ABCA13: variants seen among roughly 807,000 people sequenced by gnomAD.
ABCA13 encodes the protein ATP-binding cassette sub-family A member 13.
A neutral mutation model predicts 478.7 loss-of-function variants in ABCA13; 476 were observed. The observed-to-expected ratio is 0.99, with a 90% CI of 0.92 to 1.07. The LOEUF (loss-of-function observed/expected upper bound fraction) is 1.07, where lower values mean the gene tolerates loss of function less well. ABCA13 is among the 50% of genes least tolerant of loss of function. The pLI is 0.00. For missense variants in ABCA13, 6,060 were observed against 5,910.6 expected (o/e 1.03, Z -0.83); for synonymous variants, 2,252 against 2,158.9 (o/e 1.04, Z -1.20).
intron 41 of ABCA13, among the ~76,000 whole-genome samples, chr7:48,419,190 A>T (rs73101574): frequency 6.6e-6 from 1 of 151,856 alleles, no homozygotes. Flanking sequence ...ACCAGGCCCT[A>T]CCTTGGACAT....
chr7:48,559,024 A>C (rs1231189034), intron 55 of ABCA13, among the ~76,000 whole-genome samples: 1 of 152,060 alleles, frequency 6.6e-6, no homozygotes, highest in Non-Finnish European at 1.5e-5. Context: ...TAACATAACC[A>C]CTACCTGCCT....
chr7:48,520,067 C>T lies in ABCA13; in HGVS notation c.13824C>T (p.Leu4608=), dbSNP rs1243379934. The change falls in exon 53 of 62, where the codon CTC becomes CTT. Residue 4608 remains leucine, a synonymous_variant. Transcript: ENST00000435803. The part of the protein sequence containing the change: ...AKNLQNIYDV[L]KWVFTIFPQF... ...ATTTACAGAATATCTATGATGTCCT[C>T]AAGTGGGTCTTTACTATTTTTCCTC... 5 of 1,612,838 alleles carry T rather than the reference C, an allele frequency of 3.1e-6. No homozygotes were observed. The highest frequency in any genetic ancestry group is 1.7e-5 in the Admixed American group (1 of 59,904).
Position 48,385,394 on chromosome 7 carries a change from C to G in ABCA13, c.11336-2428C>G, listed in dbSNP as rs546663918. On this transcript the variant is annotated intron_variant, in intron 35 of 61. Transcript: ENST00000435803. The stretch of plus-strand genomic sequence containing the variant: ...GCTCCCACTTATAAGTGAGAACATG[C>G]AGTATTTGGTTTTCTGTTCCTTTGC... Among the ~76,000 whole-genome samples, 9 of 152,222 alleles carry G rather than the reference C, an allele frequency of 5.9e-5. No homozygotes were observed. In the East Asian group the frequency reaches 1.7e-3, roughly 29 times the overall value.
chr7:48,288,132 G>A, intron 20 of ABCA13, 54 bp downstream of exon 20: 1 of 1,478,826 alleles, frequency 6.8e-7, no homozygotes, highest in Non-Finnish European at 9.4e-7. Context: ...ATTGGCCCTT[G>A]CAAGGCAGTC....
chr7:48,276,720 A>G (rs1462544555), intron 17 of ABCA13, among the ~76,000 whole-genome samples, 155 bp downstream of exon 17: 1 of 152,238 alleles, frequency 6.6e-6, no homozygotes, highest in Non-Finnish European at 1.5e-5. Context: ...TTTTATCAAA[A>G]TGTCAAGGTA....
At chr7:48,336,360 A>G (rs1806264449) in intron 28 of ABCA13, among the ~76,000 whole-genome samples, 1 of 152,198 alleles carries the variant, frequency 6.6e-6, no homozygotes, top group South Asian at 2.1e-4. Flanking sequence ...TTACATGTGC[A>G]ATAATTTTAT....
chr7:48,601,191 C>G (rs1266006824), intron 58 of ABCA13, among the ~76,000 whole-genome samples: 2 of 152,072 alleles, frequency 1.3e-5, no homozygotes, highest in South Asian at 4.2e-4. Flanking sequence ...AGAATCCCCA[C>G]TTACTAATGT....
intron 27 of ABCA13, among the ~76,000 whole-genome samples, chr7:48,319,169 G>C (rs902256399): frequency 6.6e-6 from 1 of 152,150 alleles, no homozygotes; most frequent in Admixed American, 6.5e-5. Flanking sequence ...ACAGAGGTGT[G>C]GGGAGGTGCC....
intron 15 of ABCA13, among the ~76,000 whole-genome samples, chr7:48,259,450 T>G (rs1433616031): frequency 6.6e-5 from 10 of 152,174 alleles, no homozygotes; most frequent in Non-Finnish European, 1.3e-4. Context: ...TTCCATTTGC[T>G]TGGTAGATTT....
rs1585560381 is a variant in ABCA13, at chr7:48,489,234, A to C, written c.13183-2A>C. ...GCCATTAAATTATCTTTCTTTTTTT[A>C]GGTGTGGTATAATCAGAAGGGTTTT... is the stretch of plus-strand genomic sequence containing the variant. On this transcript the variant is annotated splice_acceptor_variant, in intron 47 of 61. Coordinates refer to ENST00000435803, the MANE Select transcript of ABCA13 (RefSeq NM_152701.5). LOFTEE classifies it high-confidence loss of function. 1 of 1,599,502 alleles carries C rather than the reference A, an allele frequency of 6.3e-7. No individual in the cohort carries two copies. Among genetic ancestry groups the C allele is most frequent in the Non-Finnish European group, 8.5e-7 (1 of 1,169,904 alleles).
chr7:48,273,618 G>C lies in ABCA13; in HGVS notation c.3952G>C (p.Glu1318Gln). Residue 1318 changes from glutamate (E) to glutamine (Q), a missense_variant, in exon 17 of 62, where the codon GAA becomes CAA. Glu to Gln is a conservative substitution (Grantham distance 29, BLOSUM62 2). Around this residue, in one of 3 missense-constraint regions of ABCA13, gnomAD observed 4,423 missense variants for 4,309.1 expected, o/e 1.03. Coordinates refer to ENST00000435803, the MANE Select transcript of ABCA13 (RefSeq NM_152701.5). ...FLSNNLTNYG[E>Q]KFENIITELR... The stretch of plus-strand genomic sequence containing the variant: ...TTCAAATAATCTCACAAATTATGGA[G>C]AAAAATTTGAAAATATCATCACTGA... 6.2e-7 allele frequency: 1 copy of C among 1,600,684 alleles called. No homozygotes were observed. Among genetic ancestry groups the C allele is most frequent in the Non-Finnish European group, 8.5e-7 (1 of 1,172,598 alleles).
chr7:48,610,822 T>C (rs1791956759), intron 58 of ABCA13, among the ~76,000 whole-genome samples: 1 of 152,176 alleles, frequency 6.6e-6, no homozygotes, highest in Non-Finnish European at 1.5e-5. Context: ...TGGCTGGAGC[T>C]GGAGCAGCTG....
intron 20 of ABCA13, among the ~76,000 whole-genome samples, chr7:48,290,939 GGAAAAAAAA>G (rs1282163943): frequency 2.8e-4 from 22 of 79,604 alleles, no homozygotes; most frequent in Middle Eastern, 9.3e-3. Context: ...TCACACTCAG[GGAAAAAAAA>G]AAAAAAAAAA....
intron 29 of ABCA13, among the ~76,000 whole-genome samples, chr7:48,347,045 C>T (rs1178919467): frequency 6.6e-6 from 1 of 152,114 alleles, no homozygotes; most frequent in East Asian, 1.9e-4. Context: ...TCAGAAGAAC[C>T]CTCAAGGGAG....
chr7:48,193,149 T>G (rs967722195), intron 2 of ABCA13, 97 bp downstream of exon 2: 16 of 838,216 alleles, frequency 1.9e-5, no homozygotes, highest in Middle Eastern at 2.3e-4. Flanking sequence ...GAATGCTGAG[T>G]GAAATGAATA....
intron 55 of ABCA13, among the ~76,000 whole-genome samples, chr7:48,541,742 A>G (rs918476344): frequency 6.9e-6 from 1 of 145,948 alleles, no homozygotes; most frequent in African/African-American, 2.4e-5. Flanking sequence ...ATAAAATATC[A>G]TGTATATAAA....
At chr7:48,534,710 C>CT (rs1833454251) in intron 55 of ABCA13, among the ~76,000 whole-genome samples, 1 of 151,982 alleles carries the variant, frequency 6.6e-6, no homozygotes. Context: ...TTTTAAAATT[C>CT]TTTTTTCTTT....
At position 48,293,192 on chromosome 7, in the gene ABCA13, G is replaced by GCTCC. The variant is rs748200533; in HGVS notation, c.8956-2507_8956-2506insTCCC. On this transcript the variant is annotated intron_variant, in intron 20 of 61. Coordinates refer to ENST00000435803, the MANE Select transcript of ABCA13 (RefSeq NM_152701.5). ...TTCATCATTTCCTGAGAAGTCTTCA[G>GCTCC]CCCCCCCCCCGCCACACACACACTA... Among the ~76,000 whole-genome samples, 6 of 108,326 alleles carry GCTCC rather than the reference G, an allele frequency of 5.5e-5. No individual in the cohort carries two copies. The East Asian group carries it at 1.2e-3, about 22-fold the overall frequency. 71.1% of individuals were successfully genotyped at this position (108,326 alleles called of 152,430 possible). A position where few individuals can be genotyped will look rare whatever the true frequency, so the allele number is the denominator to read the frequency against.
chr7:48,427,390 T>C (rs1821575902), intron 41 of ABCA13, among the ~76,000 whole-genome samples: 1 of 152,244 alleles, frequency 6.6e-6, no homozygotes, highest in Non-Finnish European at 1.5e-5. Flanking sequence ...TGCAATTTTA[T>C]TGTCTGATTC....
Sources: allele counts gnomAD v4.1 joint callset (sites outside exome capture counted in the v4.1 genomes callset), GRCh38; gene constraint gnomAD v4.1.1; regional missense constraint gnomAD v4.1.1; transcripts MANE v1.5; gene names NCBI Gene and HGNC (gene_info 2026-07-23, HGNC 2026-07-21).